The following TAFA2 variants were observed in gnomAD, a reference collection of about 807,000 sequenced individuals.
TAFA2 encodes the protein chemokine-like protein TAFA-2.
TAFA2 carries 7 observed loss-of-function variants against 18.8 expected under a neutral mutation model. That is an observed-to-expected ratio of 0.37 (90% CI 0.21 to 0.70). The LOEUF is 0.70. TAFA2 is among the 30% of genes least tolerant of loss of function. TAFA2 has a pLI of 0.53. For missense variants in TAFA2, 122 were observed against 158.1 expected, an observed-to-expected ratio of 0.77 and a Z score of 1.23; for synonymous variants, 60 against 54.2, an observed-to-expected ratio of 1.11 and a Z score of -0.47.
intron 1 of TAFA2, among the ~76,000 whole-genome samples, chr12:62,201,126 A>G (rs1226045143): frequency 1.3e-5 from 2 of 152,194 alleles, no homozygotes; most frequent in African/African-American, 4.8e-5. Flanking sequence ...ATATCAGCTT[A>G]AGAAGCTTTT....
intron 1 of TAFA2, among the ~76,000 whole-genome samples, chr12:62,040,606 G>A (rs1881731515): frequency 6.6e-6 from 1 of 152,108 alleles, no homozygotes; most frequent in Non-Finnish European, 1.5e-5. Context: ...GAGGCTTCGG[G>A]GAGAACATGG....
intron 4 of TAFA2, among the ~76,000 whole-genome samples, chr12:61,722,470 G>C (rs1412733712): frequency 3.3e-5 from 5 of 152,282 alleles, no homozygotes; most frequent in Admixed American, 3.3e-4. Context: ...CAGTTGTGAA[G>C]TGGGTCAGTG....
At chr12:61,801,649 A>C (rs1256321180) in intron 2 of TAFA2, among the ~76,000 whole-genome samples, 1 of 152,108 alleles carries the variant, frequency 6.6e-6, no homozygotes, top group Non-Finnish European at 1.5e-5. Context: ...ATGAAGCTTT[A>C]AAACTACTAG....
chr12:61,809,664 T>C (rs1209632916), intron 2 of TAFA2, among the ~76,000 whole-genome samples: 1 of 151,438 alleles, frequency 6.6e-6, no homozygotes, highest in Non-Finnish European at 1.5e-5. Context: ...CTAATGATAC[T>C]ACTGGGTTTT....
At position 61,879,562 on chromosome 12, in the gene TAFA2, C is replaced by G; in HGVS notation, c.-1-12136G>C. The G allele has an allele frequency of 1.1e-5, 8 of 738,314 alleles. 1 individual carries two copies. Among genetic ancestry groups the G allele is most frequent in the Non-Finnish European group, 2.0e-5 (8 of 405,152 alleles). The allele number at this position is 738,314 out of a possible 1,614,324, so 45.7% of individuals were successfully genotyped here. A position where few individuals can be genotyped will look rare whatever the true frequency, so the allele number is the denominator to read the frequency against. ...GAGGCCCCTTAACCTGGAGGTGGAC[C>G]CCAACATCCAGGCCAGGTTCTGCAC... On this transcript the variant is annotated intron_variant, in intron 1 of 4. Coordinates refer to ENST00000416284, the MANE Select transcript of TAFA2 (RefSeq NM_178539.5).
chr12:61,784,415 T>C (rs1363672826), intron 2 of TAFA2, among the ~76,000 whole-genome samples: 1 of 151,564 alleles, frequency 6.6e-6, no homozygotes, highest in African/African-American at 2.4e-5. Flanking sequence ...CCATCTCTCG[T>C]CCTCAGAGTG....
intron 2 of TAFA2, among the ~76,000 whole-genome samples, chr12:61,856,798 T>C (rs1020143797): frequency 6.6e-6 from 1 of 151,766 alleles, no homozygotes; most frequent in African/African-American, 2.4e-5. Flanking sequence ...TAAACAGATA[T>C]GGGGAAAAAC....
chr12:61,872,515 G>A (rs10735898), intron 1 of TAFA2, among the ~76,000 whole-genome samples: 119,615 of 151,872 alleles, frequency 0.79, 47,138 homozygotes, highest in East Asian at 0.89. Context: ...AAATCACATT[G>A]CCCCACTGGC....
At chr12:61,918,216 A>T (rs1298419451) in intron 1 of TAFA2, among the ~76,000 whole-genome samples, 1 of 152,010 alleles carries the variant, frequency 6.6e-6, no homozygotes, top group Non-Finnish European at 1.5e-5. Context: ...ATTATCATTT[A>T]CTCTAGTCCT....
chr12:61,920,207 A>G (rs544560211), intron 1 of TAFA2, among the ~76,000 whole-genome samples: 2 of 152,338 alleles, frequency 1.3e-5, no homozygotes, highest in South Asian at 4.1e-4. Flanking sequence ...TAAATCATAA[A>G]TAAGTATACT....
At chr12:62,088,880 T>C (rs901658932) in intron 1 of TAFA2, among the ~76,000 whole-genome samples, 17 of 149,312 alleles carry the variant, frequency 1.1e-4, no homozygotes, top group African/African-American at 2.9e-4. Context: ...ATGTTTTTCT[T>C]TCTCTCTCTC....
At chr12:62,196,613 A>G (rs2062650159), upstream of TAFA2, among the ~76,000 whole-genome samples, 1 of 152,190 alleles carries the variant, frequency 6.6e-6, no homozygotes, top group Admixed American at 6.5e-5. Context: ...GAACCACACA[A>G]CATTTATTAA....
chr12:61,991,016 G>A (rs974923336), intron 1 of TAFA2, among the ~76,000 whole-genome samples: 2 of 152,146 alleles, frequency 1.3e-5, no homozygotes, highest in Non-Finnish European at 2.9e-5. Flanking sequence ...ACTGTGCATG[G>A]GGCTAAAAGT....
chr12:62,163,048 A>C (rs1318716797), intron 1 of TAFA2, among the ~76,000 whole-genome samples: 3 of 152,142 alleles, frequency 2.0e-5, no homozygotes, highest in Admixed American at 1.3e-4. Context: ...TAGTCTAATC[A>C]TATTAAAATA....
chr12:62,146,646 C>G (rs2062283695), intron 1 of TAFA2, among the ~76,000 whole-genome samples: 1 of 152,058 alleles, frequency 6.6e-6, no homozygotes, highest in South Asian at 2.1e-4. Flanking sequence ...CCTCTCTGTC[C>G]CTAATTTTGA....
intron 2 of TAFA2, among the ~76,000 whole-genome samples, chr12:61,845,869 G>A (rs929015520): frequency 6.6e-6 from 1 of 152,078 alleles, no homozygotes; most frequent in African/African-American, 2.4e-5. Flanking sequence ...CATATGGAAG[G>A]AGTCCAAAAT....
rs950620393 is a variant in TAFA2, at chr12:61,815,144, T to C, written c.106+52176A>G. On this transcript the variant is annotated intron_variant, in intron 2 of 4. Coordinates refer to ENST00000416284, the MANE Select transcript of TAFA2 (RefSeq NM_178539.5). ...TGGAGTAGAGTAGTCATGGCAGAAA[T>C]AGTAGAGAGGAGGACATATATCTAC... is the stretch of plus-strand genomic sequence containing the variant. Among the ~76,000 whole-genome samples, 8 of 151,374 alleles carry C rather than the reference T, an allele frequency of 5.3e-5. 1 individual carries two copies. The highest frequency in any genetic ancestry group is 1.7e-4 in the African/African-American group (7 of 40,680).
At chr12:61,966,393 C>T (rs1455837093) in intron 1 of TAFA2, among the ~76,000 whole-genome samples, 1 of 151,852 alleles carries the variant, frequency 6.6e-6, no homozygotes, top group Non-Finnish European at 1.5e-5. Flanking sequence ...CTTCAGGGGA[C>T]CTCTTTTATA....
At chr12:61,794,803 T>C (rs1319658910) in intron 2 of TAFA2, among the ~76,000 whole-genome samples, 1 of 151,700 alleles carries the variant, frequency 6.6e-6, no homozygotes, top group East Asian at 1.9e-4. Context: ...ACCCACACAA[T>C]GGGAAAAAAT....
Sources: allele counts gnomAD v4.1 joint callset (sites outside exome capture counted in the v4.1 genomes callset), GRCh38; gene constraint gnomAD v4.1.1; transcripts MANE v1.5; gene names NCBI Gene and HGNC (gene_info 2026-07-23, HGNC 2026-07-21).